ABLIM2: variants seen among roughly 807,000 people sequenced by gnomAD.
The protein encoded by ABLIM2 is actin-binding LIM protein 2.
A neutral mutation model predicts 97.7 loss-of-function variants in ABLIM2; 53 were observed. The observed-to-expected ratio is 0.54, with a 90% confidence interval of 0.44 to 0.68. The LOEUF is 0.68. Among genes scored for constraint, ABLIM2 ranks in the 30% least tolerant of loss-of-function variants. ABLIM2 has a pLI of 0.00. For missense variants in ABLIM2, 835 were observed against 867.2 expected (o/e 0.96, Z 0.47); for synonymous variants, 361 against 345.8 (o/e 1.04, Z -0.49).
At chr4:8,006,748 G>C (rs1336677014) in intron 16 of ABLIM2, among the ~76,000 whole-genome samples, 1 of 152,218 alleles carries the variant, frequency 6.6e-6, no homozygotes, top group Non-Finnish European at 1.5e-5. Context: ...TGCCCACGGG[G>C]GCACAGGCAG....
intron 4 of ABLIM2, among the ~76,000 whole-genome samples, chr4:8,081,698 C>T (rs1463687374): frequency 1.3e-5 from 2 of 152,194 alleles, no homozygotes; most frequent in East Asian, 1.9e-4. Flanking sequence ...TCCTGTGAGT[C>T]TTCCTGTGAA....
intron 1 of ABLIM2, among the ~76,000 whole-genome samples, chr4:8,154,375 T>G (rs906501944): frequency 2.7e-5 from 4 of 146,530 alleles, no homozygotes; most frequent in Non-Finnish European, 6.0e-5. Context: ...TCTGACTCCC[T>G]GGTTCAAGCG....
chr4:8,018,810 C>T (rs562097189), intron 14 of ABLIM2, among the ~76,000 whole-genome samples: 1 of 152,180 alleles, frequency 6.6e-6, no homozygotes, highest in Non-Finnish European at 1.5e-5. Flanking sequence ...TGATACAATT[C>T]CCATCATGTG....
At chr4:8,081,900 C>T (rs1003277115) in intron 4 of ABLIM2, among the ~76,000 whole-genome samples, 2 of 152,182 alleles carry the variant, frequency 1.3e-5, no homozygotes, top group African/African-American at 4.8e-5. Flanking sequence ...ACTCCAGGGA[C>T]CTGCACCTGT....
rs1852060851 is a variant in ABLIM2, at chr4:8,147,732, C to T, written c.10+10948G>A. ...GAGCCCCCGAGGGAGCTGCCAGCGCCGTTTAGCCTCGGACACTGACATTGA... is the reference window on the plus strand; with the variant it reads ...GAGCCCCCGAGGGAGCTGCCAGCGCTGTTTAGCCTCGGACACTGACATTGA... On this transcript the variant is annotated intron_variant, in intron 1 of 20. Coordinates refer to ENST00000447017, the MANE Select transcript of ABLIM2 (RefSeq NM_001130083.2). The surrounding 1 kb of genome is among the most constrained non-coding windows in gnomAD (Gnocchi z 5.3). 6.6e-6 allele frequency among the ~76,000 whole-genome samples: 1 copy of T among 152,188 alleles called. No individual in the cohort carries two copies.
At position 7,984,961 on chromosome 4, in the gene ABLIM2, C is replaced by G. The variant is rs1037032278; in HGVS notation, c.1681-68G>C. 23 of 1,541,908 alleles carry G rather than the reference C, an allele frequency of 1.5e-5. No homozygotes were observed. The Admixed American group carries it at 1.9e-4, about 13-fold the overall frequency. On this transcript the variant is annotated intron_variant, in intron 17 of 20. Transcript: ENST00000447017. Reference sequence around the variant, plus strand: ...CGAGGGTGTGTGGATGGGCAGGGACCAGGAGATGTGGCCCCTTGGAGGCCG... The same window carrying G: ...CGAGGGTGTGTGGATGGGCAGGGACGAGGAGATGTGGCCCCTTGGAGGCCG...
At chr4:8,040,827 C>T (rs951097575) in intron 9 of ABLIM2, among the ~76,000 whole-genome samples, 3 of 152,140 alleles carry the variant, frequency 2.0e-5, no homozygotes, top group African/African-American at 7.2e-5. Flanking sequence ...TGGGTGCTGA[C>T]CATGGTGCTT....
At chr4:8,157,678 C>A (rs192233968) in intron 1 of ABLIM2, among the ~76,000 whole-genome samples, 384 of 152,380 alleles carry the variant, frequency 2.5e-3, no homozygotes, top group Middle Eastern at 0.014. Context: ...GCGGCTGTCC[C>A]CATTGGTTTC....
chr4:8,065,561 A>G (rs1806548077), intron 6 of ABLIM2, among the ~76,000 whole-genome samples: 1 of 152,236 alleles, frequency 6.6e-6, no homozygotes, highest in Non-Finnish European at 1.5e-5. Context: ...GAAGTTAAAC[A>G]CAGAATTACC....
rs1009810848 is a variant in ABLIM2 at position 8,095,004 on chromosome 4, TTCTTTCTC to T, written c.338+2087_338+2094del. On this transcript the variant is annotated intron_variant, in intron 3 of 20. Transcript: ENST00000447017. This position sits in a 1 kb window ranked among gnomAD's most constrained non-coding sequence, Gnocchi z 4.7. ...TCTTTCTCTTTCTTTTCCTTTTTCTTTCTTTCTCTCTCTCTCTCCCCCCACTTCTTTCC... is the reference window on the plus strand; with the variant it reads ...TCTTTCTCTTTCTTTTCCTTTTTCTTTCTCTCTCTCCCCCCACTTCTTTCC... Among the ~76,000 whole-genome samples, 4 of 127,284 alleles carry T rather than the reference TTCTTTCTC, an allele frequency of 3.1e-5. No individual in the cohort carries two copies. Among genetic ancestry groups the T allele is most frequent in the African/African-American group, 1.3e-4 (4 of 31,708 alleles). The allele number at this position is 127,284 out of a possible 152,430, so 83.5% of individuals were successfully genotyped here.
chr4:8,026,132 G>C (rs115539334), intron 12 of ABLIM2, among the ~76,000 whole-genome samples: 6,911 of 152,278 alleles, frequency 0.045, 211 homozygotes, highest in Middle Eastern at 0.11. Flanking sequence ...TCAGCCTTCC[G>C]AGGAGTTGGG....
chr4:8,077,597 A>G, intron 6 of ABLIM2, 31 bp downstream of exon 6: 2 of 1,570,490 alleles, frequency 1.3e-6, no homozygotes, highest in Non-Finnish European at 1.7e-6. Flanking sequence ...CCTAGCTCAG[A>G]GCGGGCAGGG....
chr4:8,009,772 C>T (rs568606826), intron 14 of ABLIM2, among the ~76,000 whole-genome samples: 53 of 152,340 alleles, frequency 3.5e-4, no homozygotes, highest in African/African-American at 1.1e-3. Context: ...GCCTACGTGT[C>T]TGACTTGGGC....
At chr4:8,091,055 G>A (rs1056149690) in intron 3 of ABLIM2, among the ~76,000 whole-genome samples, 3 of 151,004 alleles carry the variant, frequency 2.0e-5, no homozygotes, top group African/African-American at 7.3e-5. Context: ...TGCCAAGCCG[G>A]TTTCCATGGC....
rs543314553 is a variant in ABLIM2, at chr4:8,069,357, G to A, written c.675+8271C>T. On this transcript the variant is annotated intron_variant, in intron 6 of 20. Coordinates refer to ENST00000447017, the MANE Select transcript of ABLIM2 (RefSeq NM_001130083.2). The surrounding 1 kb of genome is among the most constrained non-coding windows in gnomAD (Gnocchi z 4.2). ...TTGGGAAAGGCTAGGGCAGAATCCC[G>A]CCTGTGGATGTTCACACGCACTGCA... Among the ~76,000 whole-genome samples the A allele has an allele frequency of 1.3e-5, 2 of 152,364 alleles. No homozygotes were observed. The highest frequency in any genetic ancestry group is 2.4e-5 in the African/African-American group (1 of 41,588).
intron 1 of ABLIM2, among the ~76,000 whole-genome samples, chr4:8,115,990 C>T (rs1220937094): frequency 6.6e-6 from 1 of 152,228 alleles, no homozygotes; most frequent in Admixed American, 6.5e-5. Flanking sequence ...CCACAGAAGT[C>T]CCCACGGATG....
rs564582700 is a variant in ABLIM2 at position 8,112,847 on chromosome 4, C to T, written c.11-6210G>A. ...CAGGTGTGTCCGAGGCTCCTCCTCC[C>T]ACCCCTTCCATCACCTGCTGGGCTG... On this transcript the variant is annotated intron_variant, in intron 1 of 20. Transcript: ENST00000447017. This position sits in a 1 kb window ranked among gnomAD's most constrained non-coding sequence, Gnocchi z 4.2. Among the ~76,000 whole-genome samples, 4 of 152,326 alleles carry T rather than the reference C, an allele frequency of 2.6e-5. No individual in the cohort carries two copies. The East Asian group carries it at 7.7e-4, about 29-fold the overall frequency.
chr4:8,133,063 TCTTCCCG>T (rs950494219), intron 1 of ABLIM2, among the ~76,000 whole-genome samples: 2 of 152,136 alleles, frequency 1.3e-5, no homozygotes, highest in Non-Finnish European at 2.9e-5. Context: ...CTTCCTGGCC[TCTTCCCG>T]CTTCTGCTGG....
At chr4:8,009,142 T>G (rs371667556) in intron 14 of ABLIM2, 40 bp from the exon 15 acceptor site, 23 of 1,610,728 alleles carry the variant, frequency 1.4e-5, no homozygotes, top group Non-Finnish European at 2.0e-5. Flanking sequence ...CACACACCAT[T>G]GCTTGTGGGT....
Sources: allele counts gnomAD v4.1 joint callset (sites outside exome capture counted in the v4.1 genomes callset), GRCh38; gene constraint gnomAD v4.1.1; non-coding constraint Gnocchi (gnomAD v3.1); transcripts MANE v1.5; gene names NCBI Gene and HGNC (gene_info 2026-07-23, HGNC 2026-07-21).